Variants in KCNIP4 observed in about 807,000 individuals in gnomAD.
The protein encoded by KCNIP4 is potassium voltage-gated channel interacting protein 4, also known as Kv channel-interacting protein 4.
KCNIP4 carries 12 observed loss-of-function variants against 34.0 expected under a neutral mutation model. The ratio of observed to expected loss-of-function variants is 0.35; its 90% confidence interval spans 0.23 to 0.57. KCNIP4 has a LOEUF of 0.57. KCNIP4 is among the 20% of genes least tolerant of loss of function. The pLI is 0.83. For synonymous variants in KCNIP4, 124 were observed against 102.2 expected, an observed-to-expected ratio of 1.21 and a Z score of -1.29; for missense variants, 238 against 311.7, an observed-to-expected ratio of 0.76 and a Z score of 1.78.
At chr4:20,844,933 C>T (rs1005939852) in intron 3 of KCNIP4, among the ~76,000 whole-genome samples, 1 of 152,088 alleles carries the variant, frequency 6.6e-6, no homozygotes, top group Admixed American at 6.5e-5. Context: ...CATGAAATTG[C>T]CCAAGGAGGG....
chr4:21,512,108 A>G (rs1734373563), intron 1 of KCNIP4, among the ~76,000 whole-genome samples: 1 of 140,366 alleles, frequency 7.1e-6, no homozygotes. Flanking sequence ...AGGGAGGAAA[A>G]GAGTGAGGAA....
intron 1 of KCNIP4, among the ~76,000 whole-genome samples, chr4:21,388,871 T>C (rs577018999): frequency 1.3e-5 from 2 of 152,352 alleles, no homozygotes; most frequent in South Asian, 4.1e-4. Context: ...TGTATACATG[T>C]AATATCTTTA....
At chr4:21,773,754 TTTTTG>T (rs781371702) in intron 1 of KCNIP4, among the ~76,000 whole-genome samples, 15 of 143,858 alleles carry the variant, frequency 1.0e-4, no homozygotes, top group Admixed American at 4.7e-4. Context: ...TGTTTTTTTT[TTTTTG>T]TTTGTTTGTT....
intron 1 of KCNIP4, among the ~76,000 whole-genome samples, chr4:21,288,202 G>A (rs964702274): frequency 1.3e-5 from 2 of 152,126 alleles, no homozygotes; most frequent in Non-Finnish European, 2.9e-5. Flanking sequence ...TTAGCCAGGT[G>A]GGGCTGTTAA....
intron 1 of KCNIP4, among the ~76,000 whole-genome samples, chr4:21,419,659 A>T (rs1168296003): frequency 1.3e-5 from 2 of 152,128 alleles, no homozygotes; most frequent in Non-Finnish European, 2.9e-5. Flanking sequence ...TTTTCTTTTT[A>T]AAAAGCAGTA....
chr4:21,140,053 C>T (rs1751824818), intron 1 of KCNIP4, among the ~76,000 whole-genome samples: 1 of 152,158 alleles, frequency 6.6e-6, no homozygotes, highest in Non-Finnish European at 1.5e-5. Context: ...ATTTAACACA[C>T]TCTCTCAGAT....
At chr4:21,038,082 A>C (rs1240804047) in intron 1 of KCNIP4, among the ~76,000 whole-genome samples, 1 of 152,132 alleles carries the variant, frequency 6.6e-6, no homozygotes, top group Non-Finnish European at 1.5e-5. Flanking sequence ...TGTTCAAGTG[A>C]TTCTCCTGCC....
chr4:20,850,836 T>G lies in KCNIP4; in HGVS notation c.164-169A>C, dbSNP rs1402807318. The G allele has an allele frequency of 1.3e-5, 8 of 617,448 alleles. No individual in the cohort carries two copies. In the East Asian group the frequency reaches 2.1e-4, roughly 16 times the overall value. 38.2% of individuals were successfully genotyped at this position (617,448 alleles called of 1,614,324 possible). ...CTTTACATTTCCCAGTTTAAGCGTA[T>G]TAAGCTAAAACACTTGTATATGATT... On this transcript the variant is annotated intron_variant, in intron 2 of 8. Coordinates refer to ENST00000382152, the MANE Select transcript of KCNIP4 (RefSeq NM_025221.6).
intron 1 of KCNIP4, among the ~76,000 whole-genome samples, chr4:21,353,761 A>G (rs939731308): frequency 6.6e-6 from 1 of 152,220 alleles, no homozygotes; most frequent in Admixed American, 6.5e-5. Flanking sequence ...CAACCTAGCA[A>G]GGTAGGACAA....
At chr4:21,550,016 T>C (rs1738438576) in intron 1 of KCNIP4, among the ~76,000 whole-genome samples, 1 of 152,164 alleles carries the variant, frequency 6.6e-6, no homozygotes, top group Non-Finnish European at 1.5e-5. Flanking sequence ...AAGGTCCAGC[T>C]ACAGCATAAT....
intron 4 of KCNIP4, among the ~76,000 whole-genome samples, chr4:20,753,955 T>A (rs1324547626): frequency 6.6e-6 from 1 of 152,092 alleles, no homozygotes; most frequent in Non-Finnish European, 1.5e-5. Flanking sequence ...GTTTATTATA[T>A]GCCTAGTGTA....
chr4:20,909,402 G>C (rs1424674139), intron 1 of KCNIP4, among the ~76,000 whole-genome samples: 1 of 152,092 alleles, frequency 6.6e-6, no homozygotes, highest in Admixed American at 6.6e-5. Flanking sequence ...AAATGGCTAT[G>C]CATATCTCTC....
intron 1 of KCNIP4, among the ~76,000 whole-genome samples, chr4:21,384,942 G>A (rs1354534217): frequency 6.6e-6 from 1 of 152,100 alleles, no homozygotes; most frequent in Non-Finnish European, 1.5e-5. Context: ...CTAAGCTATC[G>A]TGTCATTAAG....
chr4:21,211,804 C>G (rs963823529), intron 1 of KCNIP4, among the ~76,000 whole-genome samples: 2 of 151,760 alleles, frequency 1.3e-5, no homozygotes, highest in Admixed American at 6.6e-5. Context: ...AATATAAGCC[C>G]AAAGAGGTTA....
intron 1 of KCNIP4, among the ~76,000 whole-genome samples, chr4:21,668,082 G>T (rs1749151555): frequency 6.6e-6 from 1 of 152,084 alleles, no homozygotes; most frequent in South Asian, 2.1e-4. Flanking sequence ...TCCTTTGCAG[G>T]GACACGGATG....
rs59277001 is a variant in KCNIP4, at chr4:21,861,656, C to CAAAAAA, written c.61+86909_61+86914dup. 9.9e-3 allele frequency among the ~76,000 whole-genome samples: 995 copies of CAAAAAA among 100,982 alleles called. 26 individuals are homozygous for CAAAAAA. The highest frequency in any genetic ancestry group is 0.014 in the South Asian group (39 of 2,766). 66.2% of individuals were successfully genotyped at this position (100,982 alleles called of 152,430 possible). A position where few individuals can be genotyped will look rare whatever the true frequency, so the allele number is the denominator to read the frequency against. Reference sequence around the variant, plus strand: ...TGGGCGACAGAGTGAGACTCCGTCTCAAAAAAAAAAAAAAAAAAAATCCCA... The same window carrying CAAAAAA: ...TGGGCGACAGAGTGAGACTCCGTCTCAAAAAAAAAAAAAAAAAAAAAAAAAATCCCA... On this transcript the variant is annotated intron_variant, in intron 1 of 8. Transcript: ENST00000382152.
chr4:21,205,517 C>G (rs1483389130), intron 1 of KCNIP4, among the ~76,000 whole-genome samples: 1 of 152,172 alleles, frequency 6.6e-6, no homozygotes, highest in African/African-American at 2.4e-5. Context: ...GATGAGGAGC[C>G]TAAGTCTTAG....
intron 1 of KCNIP4, among the ~76,000 whole-genome samples, chr4:21,531,773 A>C (rs1736702941): frequency 6.6e-6 from 1 of 152,180 alleles, no homozygotes; most frequent in African/African-American, 2.4e-5. Context: ...GGGGTTGAAA[A>C]AAAGTAAAAA....
intron 1 of KCNIP4, among the ~76,000 whole-genome samples, chr4:21,132,850 CGACA>C (rs1202486898): frequency 3.1e-5 from 2 of 65,322 alleles, no homozygotes; most frequent in Non-Finnish European, 5.9e-5. Flanking sequence ...CTCTACTAAA[CGACA>C]AAAAAAAAAA....
Sources: allele counts gnomAD v4.1 joint callset (sites outside exome capture counted in the v4.1 genomes callset), GRCh38; gene constraint gnomAD v4.1.1; transcripts MANE v1.5; gene names NCBI Gene and HGNC (gene_info 2026-07-23, HGNC 2026-07-21).